TRAK1: variants seen among roughly 807,000 people sequenced by gnomAD.
The protein encoded by TRAK1 is trafficking kinesin-binding protein 1.
TRAK1 carries 33 observed loss-of-function variants against 92.1 expected under a neutral mutation model. The ratio of observed to expected loss-of-function variants is 0.36; its 90% CI spans 0.27 to 0.48. TRAK1 has a LOEUF of 0.48. TRAK1 is among the 20% of genes least tolerant of loss of function. The probability of loss-of-function intolerance (pLI) is 0.99; values close to 1 mark genes in which losing one functional copy is unlikely to be tolerated. For synonymous variants in TRAK1, 521 were observed against 517.3 expected (o/e 1.01, Z -0.10); for missense variants, 1,123 against 1,257.9 (o/e 0.89, Z 1.62).
chr3:42,086,958 G>A (rs1457197491), upstream of TRAK1: 1 of 152,202 alleles, frequency 6.6e-6, no homozygotes, highest in African/African-American at 2.4e-5. Flanking sequence ...ACTAAGCAAT[G>A]TGATTGGAGA....
rs1553709701 is a variant in TRAK1, at chr3:42,078,769, AAAAG to A, written c.-518-8313_-518-8310del. ...TTCCATCTCAAAAAAAAAAAAAAAA[AAAAG>A]AAAGAAAGAAAGAAAGAAAGATGAG... On this transcript the variant is annotated intron_variant, in intron 1 of 16. Coordinates refer to the TRAK1 transcript ENST00000487159. 4.3e-3 allele frequency among the ~76,000 whole-genome samples: 628 copies of A among 144,482 alleles called. 1 individual carries two copies. Among genetic ancestry groups the A allele is most frequent in the African/African-American group, 0.01 (404 of 39,278 alleles). The allele number at this position is 144,482 out of a possible 152,430, so 94.8% of individuals were successfully genotyped here. A position where few individuals can be genotyped will look rare whatever the true frequency, so the allele number is the denominator to read the frequency against.
intron 2 of TRAK1, among the ~76,000 whole-genome samples, chr3:42,168,333 A>T (rs1286239759): frequency 2.0e-5 from 3 of 152,164 alleles, no homozygotes; most frequent in Admixed American, 6.5e-5. Context: ...ATGTTTTTAC[A>T]TTGTCATGTA....
At chr3:42,193,672 C>A in intron 8 of TRAK1, 152 bp from the exon 9 acceptor site, 1 of 864,742 alleles carries the variant, frequency 1.2e-6, no homozygotes, top group South Asian at 1.5e-5. Flanking sequence ...AAGACTTTAC[C>A]TTCAAAATAA....
At chr3:42,126,404 G>C (rs953121036) in intron 2 of TRAK1, among the ~76,000 whole-genome samples, 1 of 152,100 alleles carries the variant, frequency 6.6e-6, no homozygotes, top group East Asian at 1.9e-4. Context: ...CAGTCATTCT[G>C]ATGGGCTGCA....
In TRAK1 at chr3:42,077,387, C is replaced by G. The variant is rs191405137; in HGVS notation, c.-518-9717C>G. Among the ~76,000 whole-genome samples, 202 of 152,280 alleles carry G rather than the reference C, an allele frequency of 1.3e-3. 2 individuals carry two copies. Among genetic ancestry groups the G allele is most frequent in the Admixed American group, 4.6e-3 (70 of 15,292 alleles). On this transcript the variant is annotated intron_variant, in intron 1 of 16. Transcript: ENST00000487159. ...CACTGCAACCTCTGCCTCCTGGGTT[C>G]AAGCAATTCTTTTGCCTCAGCCTCC...
chr3:42,205,276 C>A lies in TRAK1; in HGVS notation c.1744+2524C>A, dbSNP rs9756487. On this transcript the variant is annotated intron_variant, in intron 13 of 15. Coordinates refer to ENST00000327628, the MANE Select transcript of TRAK1 (RefSeq NM_001042646.3). ...GGTCATGTTCTTAAATTATCTTTTT[C>A]TATTGGCCCACTGAGAAGCTAGTAA... is the stretch of plus-strand genomic sequence containing the variant. Among the ~76,000 whole-genome samples, 1,444 of 152,222 alleles carry A rather than the reference C, an allele frequency of 9.5e-3. 20 individuals carry two copies. The highest frequency in any genetic ancestry group is 0.033 in the African/African-American group (1,357 of 41,528).
chr3:42,219,268 G>T, intron 14 of TRAK1: 1 of 981,636 alleles, frequency 1.0e-6, no homozygotes, highest in Non-Finnish European at 1.2e-6. Flanking sequence ...AGTCTGGATT[G>T]GGTCGGAAGC....
intron 2 of TRAK1, among the ~76,000 whole-genome samples, chr3:42,133,667 C>A (rs1400385219): frequency 6.6e-6 from 1 of 152,164 alleles, no homozygotes; most frequent in Non-Finnish European, 1.5e-5. Context: ...GTAAAGATAA[C>A]CAATAATTAT....
At chr3:42,017,663 GA>G (rs1701575679) in intron 1 of TRAK1, among the ~76,000 whole-genome samples, 1 of 152,160 alleles carries the variant, frequency 6.6e-6, no homozygotes, top group Non-Finnish European at 1.5e-5. Flanking sequence ...GAATACCAAT[GA>G]TGTTGAGCTG....
intron 13 of TRAK1, chr3:42,203,810 T>A: frequency 1.2e-6 from 1 of 841,402 alleles, no homozygotes; most frequent in Non-Finnish European, 1.4e-6. Flanking sequence ...GTTTATGTAC[T>A]ATATGTATAT....
At chr3:42,050,190 G>A (rs1171229922) in intron 1 of TRAK1, among the ~76,000 whole-genome samples, 1 of 140,002 alleles carries the variant, frequency 7.1e-6, no homozygotes. Context: ...AGGGTGGGGG[G>A]GTGTGAGAGT....
intron 14 of TRAK1, chr3:42,219,206 C>T: frequency 1.0e-6 from 1 of 984,780 alleles, no homozygotes. Context: ...CCCCTCGCCT[C>T]CCACCCCCAG....
chr3:42,017,133 C>G (rs1038942686), intron 1 of TRAK1, among the ~76,000 whole-genome samples: 1 of 152,138 alleles, frequency 6.6e-6, no homozygotes, highest in Non-Finnish European at 1.5e-5. Context: ...TGGCAGCATG[C>G]GTGTGTAATC....
intron 1 of TRAK1, among the ~76,000 whole-genome samples, chr3:42,104,348 G>A (rs370123763): frequency 7.9e-4 from 120 of 152,262 alleles, no homozygotes; most frequent in African/African-American, 2.6e-3. Flanking sequence ...AGAGAATAGC[G>A]GTTCTCCCGG....
chr3:42,063,542 C>T (rs1267354720), intron 1 of TRAK1, among the ~76,000 whole-genome samples: 1 of 152,124 alleles, frequency 6.6e-6, no homozygotes, highest in Admixed American at 6.6e-5. Flanking sequence ...AAAAACTAGC[C>T]AGGCCTGGTG....
At chr3:42,018,298 A>G (rs150295479) in intron 1 of TRAK1, among the ~76,000 whole-genome samples, 1 of 152,174 alleles carries the variant, frequency 6.6e-6, no homozygotes, top group Non-Finnish European at 1.5e-5. Flanking sequence ...TGTCTGAGTC[A>G]AAAAGTGCTC....
chr3:42,074,046 G>T (rs1441072996), intron 1 of TRAK1, among the ~76,000 whole-genome samples: 1 of 152,158 alleles, frequency 6.6e-6, no homozygotes, highest in East Asian at 1.9e-4. Flanking sequence ...GTAGGAGAAT[G>T]GTCAGTGGTC....
intron 1 of TRAK1, among the ~76,000 whole-genome samples, chr3:42,118,903 A>T (rs1365960029): frequency 6.6e-6 from 1 of 152,196 alleles, no homozygotes; most frequent in Non-Finnish European, 1.5e-5. Context: ...ATGCTGGATA[A>T]AGACCTAGGG....
At chr3:42,108,879 A>G (rs1014634504) in intron 1 of TRAK1, among the ~76,000 whole-genome samples, 1 of 152,190 alleles carries the variant, frequency 6.6e-6, no homozygotes, top group Non-Finnish European at 1.5e-5. Flanking sequence ...GTGAAGCTTT[A>G]TCTATGTGCT....
Sources: gnomAD v4.1 joint callset for allele counts (sites outside exome capture counted in the v4.1 genomes callset) on GRCh38, gnomAD v4.1.1 for gene constraint, MANE v1.5 for transcripts, NCBI Gene and HGNC (gene_info 2026-07-23, HGNC 2026-07-21) for gene names.